APLP2: variants seen among roughly 807,000 people sequenced by gnomAD.
APLP2 encodes CDEI box-binding protein.
APLP2 carries 53 observed loss-of-function variants against 89.9 expected under a neutral mutation model. The ratio of observed to expected loss-of-function variants is 0.59; its 90% CI spans 0.47 to 0.74. The LOEUF (loss-of-function observed/expected upper bound fraction) is 0.74. Among genes scored for constraint, APLP2 ranks in the 30% least tolerant of loss-of-function variants. The pLI is 0.00. For missense variants in APLP2, 973 were observed against 975.9 expected (o/e 1.00, Z 0.04); for synonymous variants, 372 against 348.6 (o/e 1.07, Z -0.75).
Position 130,090,296 on chromosome 11 carries a change from G to A in APLP2, c.106-19133G>A, listed in dbSNP as rs1429488154. ...ATTTATTTTTTTATTGATAATTCTT[G>A]GGTGTTTCTCACAGAGGGGGATTTG... On this transcript the variant is annotated intron_variant, in intron 1 of 16. Transcript: ENST00000338167. Among the ~76,000 whole-genome samples the A allele has an allele frequency of 2.4e-5, 3 of 125,226 alleles. No homozygotes were observed. The Admixed American group carries it at 2.5e-4, about 10-fold the overall frequency. 82.2% of individuals were successfully genotyped at this position (125,226 alleles called of 152,430 possible).
intron 7 of APLP2, among the ~76,000 whole-genome samples, chr11:130,125,381 G>C (rs1035985861): frequency 6.6e-6 from 1 of 152,064 alleles, no homozygotes; most frequent in Non-Finnish European, 1.5e-5. Context: ...TCACTGATCC[G>C]CATGATGGAC....
chr11:130,086,246 C>T (rs1336251128), intron 1 of APLP2, among the ~76,000 whole-genome samples: 4 of 152,168 alleles, frequency 2.6e-5, no homozygotes, highest in Non-Finnish European at 4.4e-5. Flanking sequence ...GGGCGTGGAG[C>T]GGTGTCTTAT....
chr11:130,121,149 T>A (rs1949773216), intron 4 of APLP2, among the ~76,000 whole-genome samples: 1 of 152,186 alleles, frequency 6.6e-6, no homozygotes, highest in South Asian at 2.1e-4. Context: ...AAAATATAGG[T>A]CTGGACATAT....
At chr11:130,107,787 A>C (rs1947985352) in intron 1 of APLP2, among the ~76,000 whole-genome samples, 1 of 152,226 alleles carries the variant, frequency 6.6e-6, no homozygotes, top group Admixed American at 6.5e-5. Context: ...ACAAAGCTGG[A>C]GGCATCACGC....
chr11:130,107,342 T>G (rs1056682124), intron 1 of APLP2, among the ~76,000 whole-genome samples: 11 of 152,176 alleles, frequency 7.2e-5, no homozygotes, highest in Non-Finnish European at 2.9e-5. Flanking sequence ...AGATGGGGAT[T>G]GAGGGTTAGA....
intron 1 of APLP2, among the ~76,000 whole-genome samples, chr11:130,091,821 A>ACCC (rs1344663253): frequency 2.7e-5 from 3 of 110,282 alleles, no homozygotes; most frequent in African/African-American, 7.9e-5. Context: ...CGGGGGGCTG[A>ACCC]CCCCCCCCCA....
In APLP2 at chr11:130,140,084, C is replaced by T. The variant is rs1201903229; in HGVS notation, c.1838-314C>T. ...GGTGTGTATTTCCCATGCTAGGATG[C>T]CCCTCGGCTCCGCTTCTATGTGTCT... is the stretch of plus-strand genomic sequence containing the variant. On this transcript the variant is annotated intron_variant, in intron 13 of 16. Transcript: ENST00000338167. 3.9e-5 allele frequency among the ~76,000 whole-genome samples: 6 copies of T among 152,252 alleles called. No homozygotes were observed. In the East Asian group the frequency reaches 5.8e-4, roughly 15 times the overall value.
chr11:130,105,666 C>A (rs993056298), intron 1 of APLP2, among the ~76,000 whole-genome samples: 1 of 146,582 alleles, frequency 6.8e-6, no homozygotes, highest in Non-Finnish European at 1.5e-5. Context: ...GCTTGTCTCT[C>A]TCTTTCTCTC....
chr11:130,123,589 A>C lies in APLP2; in HGVS notation c.923-23A>C. The C allele has an allele frequency of 6.2e-7, 1 of 1,607,078 alleles. No individual in the cohort carries two copies. Among genetic ancestry groups the C allele is most frequent in the African/African-American group, 1.3e-5 (1 of 74,762 alleles). On this transcript the variant is annotated intron_variant, in intron 6 of 16. Transcript: ENST00000338167. The surrounding 1 kb of genome is among the most constrained non-coding windows in gnomAD (Gnocchi z 4.0). ...TGACGTCACTGCCTCTGTCCTGCTG[A>C]CACTCTGACCATTTTCACACAGCTG...
At chr11:130,080,542 A>G (rs1373032323) in intron 1 of APLP2, among the ~76,000 whole-genome samples, 1 of 151,500 alleles carries the variant, frequency 6.6e-6, no homozygotes, top group Non-Finnish European at 1.5e-5. Context: ...AGACTGATTA[A>G]TTTGAGGTCT....
chr11:130,092,786 A>G (rs537728253), intron 1 of APLP2, among the ~76,000 whole-genome samples: 1 of 152,166 alleles, frequency 6.6e-6, no homozygotes, highest in Non-Finnish European at 1.5e-5. Flanking sequence ...TAACGTATGA[A>G]TAAACTAACA....
chr11:130,079,627 T>C (rs955364663), intron 1 of APLP2, among the ~76,000 whole-genome samples: 3 of 152,260 alleles, frequency 2.0e-5, no homozygotes, highest in African/African-American at 7.2e-5. Context: ...TTGCTAAACA[T>C]GTATACTAAT....
At chr11:130,109,241 T>G (rs1235110719) in intron 1 of APLP2, 188 bp from the exon 2 acceptor site, 4 of 435,280 alleles carry the variant, frequency 9.2e-6, no homozygotes, top group Non-Finnish European at 1.6e-5. Flanking sequence ...CCTTTCACTT[T>G]GATCATACAC....
intron 13 of APLP2, among the ~76,000 whole-genome samples, chr11:130,137,029 A>G (rs1354326554): frequency 1.3e-5 from 2 of 152,200 alleles, no homozygotes; most frequent in African/African-American, 4.8e-5. Context: ...GGCACAAGAC[A>G]GACCTACTTT....
chr11:130,083,011 T>A, intron 1 of APLP2, among the ~76,000 whole-genome samples: 1 of 149,386 alleles, frequency 6.7e-6, no homozygotes, highest in Admixed American at 6.7e-5. Flanking sequence ...TATTAACCAC[T>A]GAAACTTTTC....
chr11:130,082,950 T>G (rs1490060103), intron 1 of APLP2, among the ~76,000 whole-genome samples: 1 of 151,034 alleles, frequency 6.6e-6, no homozygotes, highest in Non-Finnish European at 1.5e-5. Context: ...TTGAACAGCC[T>G]AAAGTCCACA....
Position 130,116,488 on chromosome 11 carries a change from C to CT in APLP2, c.404-4211dup, listed in dbSNP as rs200803123. On this transcript the variant is annotated intron_variant, in intron 3 of 16. Coordinates refer to ENST00000338167, the MANE Select transcript of APLP2 (RefSeq NM_001142276.2). ...ATTTCCTTAGGGTGTGTATCTTTTT[C>CT]TTTTTTTCTTTTTCTTTTTAAGACA... 4.1e-4 allele frequency among the ~76,000 whole-genome samples: 62 copies of CT among 152,078 alleles called. No homozygotes were observed. The South Asian group carries it at 6.6e-3, about 16-fold the overall frequency.
chr11:130,134,950 G>T (rs1591844743), intron 12 of APLP2, among the ~76,000 whole-genome samples: 2 of 152,196 alleles, frequency 1.3e-5, no homozygotes, highest in African/African-American at 4.8e-5. Flanking sequence ...TGGATGTTAT[G>T]TGGGGATGTA....
intron 3 of APLP2, among the ~76,000 whole-genome samples, chr11:130,120,387 G>A (rs1198999822): frequency 6.6e-6 from 1 of 152,216 alleles, no homozygotes; most frequent in Non-Finnish European, 1.5e-5. Flanking sequence ...GGGGAGAGTA[G>A]CTGTGTGTGT....
Sources: gnomAD v4.1 joint callset for allele counts (sites outside exome capture counted in the v4.1 genomes callset) on GRCh38, gnomAD v4.1.1 for gene constraint, Gnocchi (gnomAD v3.1) non-coding constraint, MANE v1.5 for transcripts, NCBI Gene and HGNC (gene_info 2026-07-23, HGNC 2026-07-21) for gene names.